Variants in GOLM1 observed in about 807,000 individuals in gnomAD.
GOLM1 encodes the protein golgi membrane protein 1, also known as epididymis luminal protein 46.
A neutral mutation model predicts 50.5 loss-of-function variants in GOLM1; 31 were observed. The ratio of observed to expected loss-of-function variants is 0.61; its 90% CI spans 0.46 to 0.83. The LOEUF (loss-of-function observed/expected upper bound fraction) is 0.83, where lower values mean the gene tolerates loss of function less well. Among genes scored for constraint, GOLM1 ranks in the 40% least tolerant of loss-of-function variants. The pLI, the probability that GOLM1 is intolerant of heterozygous loss-of-function variation, is 0.00. For missense variants in GOLM1, 491 were observed against 501.3 expected, an observed-to-expected ratio of 0.98 and a Z score of 0.20; for synonymous variants, 178 against 192.8, an observed-to-expected ratio of 0.92 and a Z score of 0.64.
chr9:86,044,433 A>G (rs916501561), intron 5 of GOLM1, among the ~76,000 whole-genome samples: 1 of 152,228 alleles, frequency 6.6e-6, no homozygotes, highest in Non-Finnish European at 1.5e-5. Flanking sequence ...CGAAGAACGC[A>G]ATGCACGTGA....
At chr9:86,037,851 C>G (rs7028889) in intron 6 of GOLM1, among the ~76,000 whole-genome samples, 1 of 152,124 alleles carries the variant, frequency 6.6e-6, no homozygotes, top group Non-Finnish European at 1.5e-5. Flanking sequence ...GTGGATGAGT[C>G]TGAGAGTTAA....
At chr9:86,029,139 G>A (rs888719241) in intron 9 of GOLM1, among the ~76,000 whole-genome samples, 2 of 152,026 alleles carry the variant, frequency 1.3e-5, no homozygotes, top group African/African-American at 4.8e-5. Context: ...TTACAAGCGT[G>A]AGCAACCACG....
rs1038163241 is a variant in GOLM1 at position 86,074,237 on chromosome 9, A to T, written c.309+3175T>A. Among the ~76,000 whole-genome samples, 48 of 64,918 alleles carry T rather than the reference A, an allele frequency of 7.4e-4. No homozygotes were observed. In the East Asian group the frequency reaches 0.014, roughly 19 times the overall value. 42.6% of individuals were successfully genotyped at this position (64,918 alleles called of 152,430 possible). A position where few individuals can be genotyped will look rare whatever the true frequency, so the allele number is the denominator to read the frequency against. On this transcript the variant is annotated intron_variant, in intron 3 of 9. Coordinates refer to ENST00000388712, the MANE Select transcript of GOLM1 (RefSeq NM_016548.4). ...ACAAATGCTAACCTTCTAAGATTTA[A>T]AAAAAAAAAAAAAAAAAAGACAGAC...
intron 4 of GOLM1, among the ~76,000 whole-genome samples, chr9:86,047,692 C>T (rs534370811): frequency 5.3e-5 from 8 of 152,164 alleles, no homozygotes; most frequent in Admixed American, 1.3e-4. Flanking sequence ...CTTTAATATG[C>T]GTAACTGAAC....
Position 86,052,593 on chromosome 9 carries a change from T to C in GOLM1, c.310-2A>G, listed in dbSNP as rs1473921261. The C allele has an allele frequency of 1.2e-6, 2 of 1,613,544 alleles. No individual in the cohort carries two copies. Among genetic ancestry groups the C allele is most frequent in the South Asian group, 2.2e-5 (2 of 91,074 alleles). On this transcript the variant is annotated splice_acceptor_variant, in intron 3 of 9. Coordinates refer to ENST00000388712, the MANE Select transcript of GOLM1 (RefSeq NM_016548.4). LOFTEE classifies it high-confidence loss of function. ...GGTGATGTTATTCACCAAAACCGCC[T>C]GCAACGAAGATAAACTCGCATGAAA...
chr9:86,035,494 C>A lies in GOLM1; in HGVS notation c.889G>T (p.Gly297Cys), dbSNP rs1324085416. The change falls in exon 8 of 10, where the codon GGC (glycine) becomes TGC (cysteine). Residue 297 changes from glycine (G) to cysteine (C), a missense_variant. Gly to Cys is a radical substitution (Grantham distance 159). Coordinates refer to ENST00000388712, the MANE Select transcript of GOLM1 (RefSeq NM_016548.4). ...GCAGCCTGCACCTGTGGGGTCTGGC[C>A]CAGTTCTCCGGCTCCCCCGAAGCCT... ...GRGFGGAGEL[G>C]QTPQVQAALS... 1 of 1,613,138 alleles carries A rather than the reference C, an allele frequency of 6.2e-7. No individual in the cohort carries two copies. Among genetic ancestry groups the A allele is most frequent in the African/African-American group, 1.3e-5 (1 of 74,788 alleles).
At chr9:86,038,352 G>C (rs1314615533) in intron 6 of GOLM1, among the ~76,000 whole-genome samples, 1 of 152,046 alleles carries the variant, frequency 6.6e-6, no homozygotes, top group Non-Finnish European at 1.5e-5. Flanking sequence ...AAACAGGCCA[G>C]AGTGCTCTAT....
intron 3 of GOLM1, among the ~76,000 whole-genome samples, chr9:86,054,520 G>T (rs868679163): frequency 2.6e-5 from 4 of 152,070 alleles, no homozygotes; most frequent in African/African-American, 4.8e-5. Flanking sequence ...CACTGCGCCC[G>T]GCCTCATGTA....
At chr9:86,031,242 C>A (rs1387487405) in intron 9 of GOLM1, among the ~76,000 whole-genome samples, 1 of 151,780 alleles carries the variant, frequency 6.6e-6, no homozygotes, top group Non-Finnish European at 1.5e-5. Context: ...TCGGCAGGAT[C>A]AGCAAGGCCG....
chr9:86,077,139 T>C (rs961048702), intron 3 of GOLM1, among the ~76,000 whole-genome samples: 7 of 151,302 alleles, frequency 4.6e-5, no homozygotes, highest in Admixed American at 3.9e-4. Context: ...AAAAACCCAA[T>C]AGGAGAAAAA....
At chr9:86,095,278 G>T (rs1835323342) in intron 1 of GOLM1, among the ~76,000 whole-genome samples, 1 of 151,932 alleles carries the variant, frequency 6.6e-6, no homozygotes, top group Non-Finnish European at 1.5e-5. Context: ...ACCCAGGCTG[G>T]AGTGCAGTGG....
chr9:86,058,820 A>T (rs552055584), intron 3 of GOLM1, among the ~76,000 whole-genome samples: 2 of 152,080 alleles, frequency 1.3e-5, no homozygotes, highest in Non-Finnish European at 2.9e-5. Context: ...AACATGGCAA[A>T]ACCCCATCTC....
intron 6 of GOLM1, among the ~76,000 whole-genome samples, chr9:86,037,931 G>A (rs145413977): frequency 1.7e-3 from 256 of 152,104 alleles, no homozygotes; most frequent in African/African-American, 5.9e-3. Context: ...GAGACGGGCT[G>A]ATCACCTGAG....
rs1195223317 is a variant in GOLM1 at position 86,026,638 on chromosome 9, A to T, written c.*1179T>A. Reference sequence around the variant, plus strand: ...AGAGAGCCTTACTGGGAAGTCAGTCATTAATGATGTGGCCAGTTATTTGCA... The same window carrying T: ...AGAGAGCCTTACTGGGAAGTCAGTCTTTAATGATGTGGCCAGTTATTTGCA... On this transcript the variant is annotated 3_prime_UTR_variant, in exon 10 of 10. Transcript: ENST00000388712. 1.0e-6 allele frequency: 1 copy of T among 985,026 alleles called. No homozygotes were observed. Among genetic ancestry groups the T allele is most frequent in the Non-Finnish European group, 1.2e-6 (1 of 829,546 alleles). The allele number at this position is 985,026 out of a possible 1,614,324, so 61.0% of individuals were successfully genotyped here.
Position 86,046,568 on chromosome 9 carries a change from C to G in GOLM1, c.369G>C (p.Gln123His). The change falls in exon 5 of 10, where the codon CAG becomes CAC. Residue 123 changes from glutamine (Q) to histidine (H), a missense_variant. Gln to His is a conservative substitution (Grantham distance 24, BLOSUM62 0). Transcript: ENST00000388712. Reference sequence around the variant, plus strand: ...CGTAATTCCTCTGCAGGGTCTTTAACTGGTCTACACCAAGGGGACAAGGAA... The same window carrying G: ...CGTAATTCCTCTGCAGGGTCTTTAAGTGGTCTACACCAAGGGGACAAGGAA... ...GERLIRVLQD[Q>H]LKTLQRNYGR... 1 of 1,600,176 alleles carries G rather than the reference C, an allele frequency of 6.2e-7. No homozygotes were observed. The highest frequency in any genetic ancestry group is 1.1e-5 in the South Asian group (1 of 90,198).
chr9:86,084,656 A>C (rs1193089347), intron 1 of GOLM1, among the ~76,000 whole-genome samples: 2 of 152,206 alleles, frequency 1.3e-5, no homozygotes, highest in East Asian at 3.9e-4. Flanking sequence ...AAACTATATA[A>C]AAAATTATTT....
At chr9:86,060,316 C>CGGGGAGAGGGAAGG (rs1563959721) in intron 3 of GOLM1, among the ~76,000 whole-genome samples, 1 of 151,842 alleles carries the variant, frequency 6.6e-6, no homozygotes, top group African/African-American at 2.4e-5. Flanking sequence ...ACAGGGAAAG[C>CGGGGAGAGGGAAGG]GGGGAGAGGG....
chr9:86,062,151 C>T (rs538574774), intron 3 of GOLM1, among the ~76,000 whole-genome samples: 4 of 152,322 alleles, frequency 2.6e-5, no homozygotes, highest in African/African-American at 9.6e-5. Context: ...CCCACCCCAT[C>T]CACCTTGCAG....
At position 86,079,259 on chromosome 9, in the gene GOLM1, A is replaced by AG; in HGVS notation, c.61dup (p.Leu21ProfsTer62). On this transcript the variant is annotated frameshift_variant, in exon 2 of 10. Transcript: ENST00000388712. LOFTEE classifies it high-confidence loss of function. ...GCCCAAGACGATGATGCAGGCCACC[A>AG]GGGCGGCCAGCACGAGGGGCGGCGA... 6.2e-7 allele frequency: 1 copy of AG among 1,610,496 alleles called. No individual in the cohort carries two copies. Among genetic ancestry groups the AG allele is most frequent in the Admixed American group, 1.7e-5 (1 of 59,802 alleles).
Sources: gnomAD v4.1 joint callset for allele counts (sites outside exome capture counted in the v4.1 genomes callset) on GRCh38, gnomAD v4.1.1 for gene constraint, MANE v1.5 for transcripts, NCBI Gene and HGNC (gene_info 2026-07-23, HGNC 2026-07-21) for gene names.